Variants in ADA2 observed in about 807,000 individuals in gnomAD.
ADA2 encodes the protein adenosine deaminase CECR1.
A neutral mutation model predicts 44.2 loss-of-function variants in ADA2; 29 were observed. The ratio of observed to expected loss-of-function variants is 0.66; its 90% CI spans 0.49 to 0.89. ADA2 has a LOEUF of 0.89. Among genes scored for constraint, ADA2 ranks in the 40% least tolerant of loss-of-function variants. ADA2 has a pLI of 0.00. For missense variants in ADA2, 637 were observed against 644.8 expected (o/e 0.99, Z 0.13); for synonymous variants, 215 against 234.9 (o/e 0.92, Z 0.77).
intron 4 of ADA2, among the ~76,000 whole-genome samples, chr22:17,193,733 A>G (rs2062154156): frequency 6.6e-6 from 1 of 151,526 alleles, no homozygotes; most frequent in Non-Finnish European, 1.5e-5. Flanking sequence ...GGTGAAGGAG[A>G]CAGGGAGCAA....
At chr22:17,205,444 C>T (rs1172076037) in intron 3 of ADA2, among the ~76,000 whole-genome samples, 1 of 152,070 alleles carries the variant, frequency 6.6e-6, no homozygotes, top group African/African-American at 2.4e-5. Flanking sequence ...GTTTAAGCTC[C>T]CCAGCCTGTG....
intron 4 of ADA2, among the ~76,000 whole-genome samples, chr22:17,201,973 T>C (rs748147448): frequency 0.034 from 3,939 of 115,262 alleles, 53 homozygotes; most frequent in South Asian, 0.074. Flanking sequence ...TTTTCTTTTT[T>C]TTTTTTTTTT....
intron 1 of ADA2, chr22:17,213,606 G>C: frequency 3.6e-6 from 1 of 281,596 alleles, no homozygotes. Flanking sequence ...GAAGGACAAA[G>C]ACAAAGCTAA....
chr22:17,216,708 C>T (rs2062475776), intron 1 of ADA2, among the ~76,000 whole-genome samples: 2 of 150,278 alleles, frequency 1.3e-5, no homozygotes, highest in African/African-American at 4.9e-5. Context: ...TGCAGTGAGC[C>T]GAGTTCGTGC....
At chr22:17,199,632 T>G in intron 4 of ADA2, 1 of 1,613,836 alleles carries the variant, frequency 6.2e-7, no homozygotes, top group Non-Finnish European at 8.5e-7. Context: ...GATCGCCATT[T>G]GAGGTGGGCG....
chr22:17,182,059 GA>G, intron 8 of ADA2, 37 bp from the exon 9 acceptor site: 2 of 1,536,020 alleles, frequency 1.3e-6, no homozygotes, highest in Non-Finnish European at 1.8e-6. Flanking sequence ...GATGAACTCT[GA>G]TCCCTAAAAA....
chr22:17,182,598 A>C lies in ADA2; in HGVS notation c.1239+6T>G. Reference sequence around the variant, plus strand: ...ATATGGGATTAGCCACATGGGTCACACATACCTGGTTAGAGATGGGACAGA... The same window carrying C: ...ATATGGGATTAGCCACATGGGTCACCCATACCTGGTTAGAGATGGGACAGA... On this transcript the variant is annotated splice_donor_region_variant and intron_variant, in intron 8 of 9. Transcript: ENST00000399837. 1 of 1,614,122 alleles carries C rather than the reference A, an allele frequency of 6.2e-7. No homozygotes were observed. The highest frequency in any genetic ancestry group is 8.5e-7 in the Non-Finnish European group (1 of 1,179,986).
At chr22:17,201,394 C>A (rs553170139) in intron 4 of ADA2, among the ~76,000 whole-genome samples, 2 of 152,100 alleles carry the variant, frequency 1.3e-5, no homozygotes, top group African/African-American at 4.8e-5. Context: ...AACTTCGGAG[C>A]GTATAAAAGC....
intron 1 of ADA2, among the ~76,000 whole-genome samples, chr22:17,211,997 G>C (rs1304460711): frequency 6.6e-6 from 1 of 151,890 alleles, no homozygotes; most frequent in East Asian, 1.9e-4. Context: ...AGAATGAAGA[G>C]ACAACCTATT....
chr22:17,199,416 T>TCCTCCTTCCCCTCCTCTATCCTCTTCC, intron 4 of ADA2: 2 of 429,648 alleles, frequency 4.7e-6, no homozygotes, highest in Non-Finnish European at 8.8e-6. Context: ...TCTCAGCGTC[T>TCCTCCTTCCCCTCCTCTATCCTCTTCC]CCTCCCTCCC....
At chr22:17,207,562 G>A (rs1374836119) in intron 2 of ADA2, among the ~76,000 whole-genome samples, 1 of 152,130 alleles carries the variant, frequency 6.6e-6, no homozygotes, top group Non-Finnish European at 1.5e-5. Flanking sequence ...ACTTGTTTAA[G>A]GCTCTAGTTT....
rs1489615474 is a variant in ADA2, at chr22:17,185,441, TAAAATAAAAA to T, written c.1082-2690_1082-2681del. Among the ~76,000 whole-genome samples, 199 of 55,746 alleles carry T rather than the reference TAAAATAAAAA, an allele frequency of 3.6e-3. 1 individual carries two copies. Among genetic ancestry groups the T allele is most frequent in the African/African-American group, 9.5e-3 (145 of 15,252 alleles). 36.6% of individuals were successfully genotyped at this position (55,746 alleles called of 152,430 possible). On this transcript the variant is annotated intron_variant, in intron 7 of 9. Transcript: ENST00000399837. ...AAAAATAAAATAAAATAAAATAAAA[TAAAATAAAAA>T]AATAAAAATAAGGACATTACTTTTA...
chr22:17,203,924 A>G, intron 3 of ADA2, 151 bp from the exon 4 acceptor site: 1 of 637,396 alleles, frequency 1.6e-6, no homozygotes, highest in South Asian at 1.8e-5. Context: ...AAAGGGGAGC[A>G]TTCCCACGCT....
intron 4 of ADA2, among the ~76,000 whole-genome samples, chr22:17,192,486 C>T (rs561406086): frequency 6.6e-6 from 1 of 152,130 alleles, no homozygotes; most frequent in East Asian, 1.9e-4. Flanking sequence ...ACAGTGAGAG[C>T]AGAGTGGGGA....
At chr22:17,219,105 C>T (rs1478984477) in intron 1 of ADA2, among the ~76,000 whole-genome samples, 4 of 152,300 alleles carry the variant, frequency 2.6e-5, no homozygotes, top group Admixed American at 6.5e-5. Flanking sequence ...TGCAGAGAGC[C>T]GAGATCGTGC....
At chr22:17,199,728 T>C in intron 4 of ADA2, 1 of 1,511,198 alleles carries the variant, frequency 6.6e-7, no homozygotes, top group Non-Finnish European at 8.8e-7. Context: ...CACCCCTTAC[T>C]ACCTATTTGA....
chr22:17,191,201 C>G (rs995558299), intron 5 of ADA2, among the ~76,000 whole-genome samples: 21 of 152,222 alleles, frequency 1.4e-4, no homozygotes, highest in African/African-American at 4.6e-4. Flanking sequence ...GTCTTTCACC[C>G]ACGTGCCAGG....
At chr22:17,199,270 A>G (rs1436753043) in intron 4 of ADA2, among the ~76,000 whole-genome samples, 1 of 152,162 alleles carries the variant, frequency 6.6e-6, no homozygotes, top group African/African-American at 2.4e-5. Flanking sequence ...TGGAAGGAGA[A>G]AATGGCCACC....
intron 1 of ADA2, among the ~76,000 whole-genome samples, chr22:17,215,651 G>A (rs1226895368): frequency 6.6e-6 from 1 of 151,790 alleles, no homozygotes; most frequent in East Asian, 1.9e-4. Context: ...GCACCAACAT[G>A]CACGGAACTA....
Sources: gnomAD v4.1 joint callset for allele counts (sites outside exome capture counted in the v4.1 genomes callset) on GRCh38, gnomAD v4.1.1 for gene constraint, MANE v1.5 for transcripts, NCBI Gene and HGNC (gene_info 2026-07-23, HGNC 2026-07-21) for gene names.